BABAM2: variants seen among roughly 807,000 people sequenced by gnomAD.
BABAM2 encodes the protein BRISC and BRCA1 A complex member 2, also known as BRISC and BRCA1-A complex member 2.
Under a neutral mutation model 54.7 loss-of-function variants are expected in BABAM2, and 31 were observed. The observed-to-expected ratio is 0.57, with a 90% CI of 0.43 to 0.77. BABAM2 has a LOEUF of 0.77. Ranked by LOEUF, BABAM2 falls within the 30% of genes least tolerant of loss-of-function variation. The pLI is 0.00. For synonymous variants in BABAM2, 167 were observed against 162.9 expected (o/e 1.03, Z -0.19); for missense variants, 364 against 455.8 (o/e 0.80, Z 1.83).
intron 3 of BABAM2, among the ~76,000 whole-genome samples, chr2:27,936,120 A>G (rs1668466145): frequency 6.6e-6 from 1 of 152,070 alleles, no homozygotes; most frequent in Admixed American, 6.5e-5. Context: ...GGGCTTCACC[A>G]TATTAGCCAG....
intron 7 of BABAM2, among the ~76,000 whole-genome samples, chr2:28,136,256 A>G (rs981152137): frequency 3.3e-5 from 5 of 152,172 alleles, no homozygotes; most frequent in African/African-American, 9.7e-5. Context: ...CACCTCCTCC[A>G]TGGAACATTT....
In BABAM2 at chr2:28,115,195, AC is replaced by A. The variant is rs1437797934; in HGVS notation, c.571-14075del. Among the ~76,000 whole-genome samples the A allele has an allele frequency of 4.7e-5, 6 of 126,946 alleles. No individual in the cohort carries two copies. The East Asian group carries it at 1.5e-3, about 32-fold the overall frequency. The allele number at this position is 126,946 out of a possible 152,430, so 83.3% of individuals were successfully genotyped here. On this transcript the variant is annotated intron_variant, in intron 6 of 11. Transcript: ENST00000379624. The stretch of plus-strand genomic sequence containing the variant: ...AAATAACTTTAAAACACACACACAC[AC>A]ACACACACACACACACACACACACA...
chr2:28,321,813 C>T (rs1690043753), intron 11 of BABAM2, among the ~76,000 whole-genome samples: 1 of 152,030 alleles, frequency 6.6e-6, no homozygotes, highest in Admixed American at 6.5e-5. Flanking sequence ...CTCTGCCCCA[C>T]CTTTGCCTCT....
At chr2:28,055,655 T>G (rs890441533) in intron 6 of BABAM2, among the ~76,000 whole-genome samples, 1 of 152,192 alleles carries the variant, frequency 6.6e-6, no homozygotes. Flanking sequence ...TCTTGGAATG[T>G]AGATTGGGGT....
intron 7 of BABAM2, among the ~76,000 whole-genome samples, chr2:28,176,620 CAG>C (rs1357135109): frequency 1.3e-5 from 1 of 78,606 alleles, no homozygotes; most frequent in Non-Finnish European, 2.7e-5. Context: ...TAAGAGAACA[CAG>C]ATAAACCGTA....
intron 6 of BABAM2, among the ~76,000 whole-genome samples, chr2:28,102,295 C>T (rs1183186124): frequency 2.0e-5 from 3 of 152,112 alleles, no homozygotes; most frequent in East Asian, 1.9e-4. Context: ...TCAGCTGTGC[C>T]GTTGTAAATT....
chr2:28,034,453 G>C (rs979428223), intron 5 of BABAM2, among the ~76,000 whole-genome samples: 3 of 152,128 alleles, frequency 2.0e-5, no homozygotes, highest in Admixed American at 1.3e-4. Context: ...GTATATTCTT[G>C]TTGTAAGTTA....
chr2:28,230,267 C>CT (rs1305935267), intron 7 of BABAM2, among the ~76,000 whole-genome samples: 12 of 152,030 alleles, frequency 7.9e-5, no homozygotes, highest in Non-Finnish European at 1.3e-4. Flanking sequence ...TCCTATTGTA[C>CT]TCACTTAAAT....
intron 6 of BABAM2, among the ~76,000 whole-genome samples, chr2:28,053,914 G>A (rs904601912): frequency 6.6e-6 from 1 of 152,106 alleles, no homozygotes; most frequent in African/African-American, 2.4e-5. Context: ...TGATGGATAT[G>A]CTAATTACCC....
At chr2:28,247,238 C>G (rs1682993467) in intron 10 of BABAM2, among the ~76,000 whole-genome samples, 1 of 152,176 alleles carries the variant, frequency 6.6e-6, no homozygotes, top group African/African-American at 2.4e-5. Flanking sequence ...GCTCTTCTGG[C>G]AGATAAGACC....
intron 2 of BABAM2, among the ~76,000 whole-genome samples, chr2:27,911,297 G>A (rs557402401): frequency 2.6e-4 from 40 of 152,210 alleles, no homozygotes; most frequent in African/African-American, 9.2e-4. Flanking sequence ...TTTTGCAAAT[G>A]TATAATATGT....
chr2:28,136,223 T>A (rs1012982859), intron 7 of BABAM2, among the ~76,000 whole-genome samples: 6 of 152,242 alleles, frequency 3.9e-5, no homozygotes, highest in Non-Finnish European at 8.8e-5. Context: ...GTCCTGCCCA[T>A]GTTCTTAGAT....
At chr2:27,897,821 A>C (rs554796568) in intron 2 of BABAM2, among the ~76,000 whole-genome samples, 2 of 152,314 alleles carry the variant, frequency 1.3e-5, no homozygotes, top group South Asian at 4.1e-4. Flanking sequence ...ATCTAGATAA[A>C]GATTGGAGCC....
chr2:27,945,135 TCAGCCTCC>T (rs1669204374), intron 3 of BABAM2, among the ~76,000 whole-genome samples: 2 of 152,184 alleles, frequency 1.3e-5, no homozygotes, highest in African/African-American at 4.8e-5. Flanking sequence ...CCCTCCTGCC[TCAGCCTCC>T]CAAATAGCTG....
chr2:28,255,030 C>T lies in BABAM2; in HGVS notation c.934+10168C>T, dbSNP rs1683848893. On this transcript the variant is annotated intron_variant, in intron 10 of 11. Transcript: ENST00000379624. The stretch of plus-strand genomic sequence containing the variant: ...GGGATTGCAGGCATGAGCCACTGCA[C>T]CCAGCCCAGATAAGGATTTTTTAAA... 2.6e-5 allele frequency among the ~76,000 whole-genome samples: 4 copies of T among 152,166 alleles called. No individual in the cohort carries two copies. The South Asian group carries it at 6.2e-4, about 24-fold the overall frequency.
intron 7 of BABAM2, among the ~76,000 whole-genome samples, chr2:28,203,297 T>G (rs757122918): frequency 7.9e-5 from 12 of 152,196 alleles, no homozygotes; most frequent in Non-Finnish European, 1.3e-4. Flanking sequence ...AAAACTCAAT[T>G]CAGATCACCA....
chr2:28,290,626 C>T (rs753334055), intron 10 of BABAM2, among the ~76,000 whole-genome samples: 1 of 152,138 alleles, frequency 6.6e-6, no homozygotes, highest in Non-Finnish European at 1.5e-5. Flanking sequence ...ATTCACAGCC[C>T]CTGCGCTTAA....
intron 7 of BABAM2, among the ~76,000 whole-genome samples, chr2:28,212,389 A>G (rs547212783): frequency 2.0e-5 from 3 of 152,274 alleles, no homozygotes; most frequent in East Asian, 3.9e-4. Context: ...TTTTTCATCC[A>G]TAATACATTC....
chr2:27,928,617 C>T (rs1667878805), intron 2 of BABAM2, among the ~76,000 whole-genome samples: 1 of 152,174 alleles, frequency 6.6e-6, no homozygotes, highest in Admixed American at 6.5e-5. Context: ...TTCAACTATG[C>T]ATCCATCCGT....
Sources: gnomAD v4.1 joint callset for allele counts (sites outside exome capture counted in the v4.1 genomes callset) on GRCh38, gnomAD v4.1.1 for gene constraint, MANE v1.5 for transcripts, NCBI Gene and HGNC (gene_info 2026-07-23, HGNC 2026-07-21) for gene names.